Variants in TOLLIP observed in about 807,000 individuals in gnomAD.
TOLLIP encodes the protein toll interacting protein.
A neutral mutation model predicts 33.5 loss-of-function variants in TOLLIP; 16 were observed. The observed-to-expected ratio is 0.48, with a 90% CI of 0.32 to 0.72. The LOEUF (loss-of-function observed/expected upper bound fraction) is 0.72, where lower values mean the gene tolerates loss of function less well. Among genes scored for constraint, TOLLIP ranks in the 30% least tolerant of loss-of-function variants. The probability of loss-of-function intolerance (pLI) is 0.03; values close to 1 mark genes in which losing one functional copy is unlikely to be tolerated. For synonymous variants in TOLLIP, 176 were observed against 163.7 expected, an observed-to-expected ratio of 1.07 and a Z score of -0.57; for missense variants, 325 against 396.6, an observed-to-expected ratio of 0.82 and a Z score of 1.53.
chr11:1,283,130 CCCTGCACTGGGTAAA>C (rs1863559526), intron 5 of TOLLIP, among the ~76,000 whole-genome samples: 1 of 152,202 alleles, frequency 6.6e-6, no homozygotes, highest in South Asian at 2.1e-4. Context: ...ACACCACTAG[CCCTGCACTGGGTAAA>C]CCTGCGCTGG....
At chr11:1,285,268 A>G (rs960412816) in intron 5 of TOLLIP, among the ~76,000 whole-genome samples, 7 of 152,168 alleles carry the variant, frequency 4.6e-5, no homozygotes, top group Non-Finnish European at 1.0e-4. Flanking sequence ...CCTGGACACC[A>G]GCTCCCCAGA....
At chr11:1,307,268 G>A (rs1864444933) in intron 1 of TOLLIP, among the ~76,000 whole-genome samples, 1 of 152,206 alleles carries the variant, frequency 6.6e-6, no homozygotes, top group Non-Finnish European at 1.5e-5. Flanking sequence ...GTCAACGGGG[G>A]TGCCCCTGAA....
chr11:1,277,320 T>C lies in TOLLIP; in HGVS notation c.611-67A>G. 1 of 1,328,866 alleles carries C rather than the reference T, an allele frequency of 7.5e-7. No homozygotes were observed. The highest frequency in any genetic ancestry group is 1.0e-6 in the Non-Finnish European group (1 of 984,752). The allele number at this position is 1,328,866 out of a possible 1,614,324, so 82.3% of individuals were successfully genotyped here. A position where few individuals can be genotyped will look rare whatever the true frequency, so the allele number is the denominator to read the frequency against. ...CCAGAAGTGCCACACTAGCTCCTGC[T>C]GAAGGAAGAAAACAACGCATCCCAC... On this transcript the variant is annotated intron_variant, in intron 5 of 5. Coordinates refer to ENST00000317204, the MANE Select transcript of TOLLIP (RefSeq NM_019009.4). This position sits in a 1 kb window ranked among gnomAD's most constrained non-coding sequence, Gnocchi z 4.2.
At chr11:1,295,913 G>T in intron 1 of TOLLIP, 119 bp from the exon 2 acceptor site, 1 of 1,292,636 alleles carries the variant, frequency 7.7e-7, no homozygotes, top group Non-Finnish European at 1.0e-6. Context: ...ATCAAGTCCT[G>T]GACTGTGCTC....
At chr11:1,298,744 G>A (rs999893942) in intron 1 of TOLLIP, among the ~76,000 whole-genome samples, 4 of 152,338 alleles carry the variant, frequency 2.6e-5, no homozygotes, top group South Asian at 4.1e-4. Flanking sequence ...CACGCAGCCC[G>A]GGGACCGCAG....
intron 3 of TOLLIP, among the ~76,000 whole-genome samples, chr11:1,289,509 C>T (rs898363175): frequency 9.9e-5 from 15 of 152,250 alleles, no homozygotes; most frequent in Admixed American, 9.2e-4. Context: ...TCAAGGGTCA[C>T]GACCATTCGC....
Position 1,292,434 on chromosome 11 carries a change from C to T in TOLLIP, c.184-2025G>A, listed in dbSNP as rs5743947. On this transcript the variant is annotated intron_variant, in intron 2 of 5. Coordinates refer to ENST00000317204, the MANE Select transcript of TOLLIP (RefSeq NM_019009.4). Reference sequence around the variant, plus strand: ...CTGCCAGCATGCCCGTGCCTGTCACCGATGCCTGCTCACATTGGATCCTGC... The same window carrying T: ...CTGCCAGCATGCCCGTGCCTGTCACTGATGCCTGCTCACATTGGATCCTGC... Among the ~76,000 whole-genome samples the T allele has an allele frequency of 0.023, 3,561 of 152,294 alleles. 337 individuals carry two copies. The East Asian group carries it at 0.29, about 12-fold the overall frequency.
At chr11:1,297,154 C>T (rs540559420) in intron 1 of TOLLIP, among the ~76,000 whole-genome samples, 48 of 152,218 alleles carry the variant, frequency 3.2e-4, no homozygotes, top group Non-Finnish European at 1.2e-4. Context: ...CGGACGTGAG[C>T]TTAGGCAAAG....
At chr11:1,285,036 C>T (rs1863641632) in intron 5 of TOLLIP, among the ~76,000 whole-genome samples, 1 of 152,206 alleles carries the variant, frequency 6.6e-6, no homozygotes, top group East Asian at 1.9e-4. Flanking sequence ...GACACCAGCA[C>T]TGGCCTCACA....
chr11:1,300,098 T>C (rs577321334), intron 1 of TOLLIP, among the ~76,000 whole-genome samples: 1 of 152,364 alleles, frequency 6.6e-6, no homozygotes, highest in Admixed American at 6.5e-5. Context: ...AGAAACTTTT[T>C]AAAAACATTC....
intron 1 of TOLLIP, chr11:1,306,083 G>A (rs1864415503): frequency 6.6e-6 from 1 of 152,186 alleles, no homozygotes; most frequent in South Asian, 2.1e-4. Flanking sequence ...CATGCTTTCT[G>A]ATAATATGCA....
At chr11:1,306,156 C>T (rs1864417332) in intron 1 of TOLLIP, 3 of 152,184 alleles carry the variant, frequency 2.0e-5, no homozygotes, top group African/African-American at 7.2e-5. Flanking sequence ...GAGGGAAGCA[C>T]TGCACAGGGC....
At position 1,290,010 on chromosome 11, in the gene TOLLIP, G is replaced by T. The variant is rs1863882259; in HGVS notation, c.366+217C>A. The T allele has an allele frequency of 1.8e-6, 1 of 569,342 alleles. No individual in the cohort carries two copies. Among genetic ancestry groups the T allele is most frequent in the Non-Finnish European group, 3.1e-6 (1 of 318,896 alleles). 35.3% of individuals were successfully genotyped at this position (569,342 alleles called of 1,614,324 possible). ...TCCCTGGGTCATGCTTGTCACTGGG[G>T]ATGTTTCCAAATGTAAGTATGTTCA... On this transcript the variant is annotated intron_variant, in intron 3 of 5. Coordinates refer to ENST00000317204, the MANE Select transcript of TOLLIP (RefSeq NM_019009.4). This position sits in a 1 kb window ranked among gnomAD's most constrained non-coding sequence, Gnocchi z 4.9.
chr11:1,281,473 A>T (rs1297243033), intron 5 of TOLLIP, among the ~76,000 whole-genome samples: 1 of 152,196 alleles, frequency 6.6e-6, no homozygotes, highest in Non-Finnish European at 1.5e-5. Flanking sequence ...GGGCTCAGAC[A>T]CCACGGGAGG....
In TOLLIP at chr11:1,277,783, G is replaced by A. The variant is rs955821847; in HGVS notation, c.611-530C>T. On this transcript the variant is annotated intron_variant, in intron 5 of 5. Transcript: ENST00000317204. This position sits in a 1 kb window ranked among gnomAD's most constrained non-coding sequence, Gnocchi z 4.2. The stretch of plus-strand genomic sequence containing the variant: ...TGGCAAGTGTGTCACTAAACTGTGT[G>A]CCGGTGGGGAACAATCACCACAGGC... Among the ~76,000 whole-genome samples the A allele has an allele frequency of 2.0e-5, 3 of 152,208 alleles. No homozygotes were observed. Among genetic ancestry groups the A allele is most frequent in the African/African-American group, 7.2e-5 (3 of 41,444 alleles).
At chr11:1,284,776 T>C (rs992004147) in intron 5 of TOLLIP, among the ~76,000 whole-genome samples, 5 of 152,176 alleles carry the variant, frequency 3.3e-5, no homozygotes, top group African/African-American at 9.7e-5. Flanking sequence ...ACAGAGTCTA[T>C]AATGTGAGCA....
rs560639925 is a variant in TOLLIP, at chr11:1,275,560, T to C, written c.*1479A>G. On this transcript the variant is annotated 3_prime_UTR_variant, in exon 6 of 6. Transcript: ENST00000317204. ...TACCATGTCTTTCTTCTTCAAAGGA[T>C]CAAAGGCCTTTAGGACCCACAGCTG... The C allele has an allele frequency of 6.6e-6, 1 of 152,054 alleles. No individual in the cohort carries two copies. The highest frequency in any genetic ancestry group is 1.5e-5 in the Non-Finnish European group (1 of 68,004). 9.4% of individuals were successfully genotyped at this position (152,054 alleles called of 1,614,324 possible).
In TOLLIP at chr11:1,303,540, T is replaced by C. The variant is rs1450127375; in HGVS notation, c.33+5926A>G. Among the ~76,000 whole-genome samples, 2 of 152,212 alleles carry C rather than the reference T, an allele frequency of 1.3e-5. No homozygotes were observed. Among genetic ancestry groups the C allele is most frequent in the African/African-American group, 2.4e-5 (1 of 41,452 alleles). ...GCTGTATGCTAACGGCAGGAGGCGC[T>C]GTGCAAAGAAACAGGGCAAGGCCGG... On this transcript the variant is annotated intron_variant, in intron 1 of 5. Coordinates refer to ENST00000317204, the MANE Select transcript of TOLLIP (RefSeq NM_019009.4). This position sits in a 1 kb window ranked among gnomAD's most constrained non-coding sequence, Gnocchi z 4.2.
chr11:1,297,764 T>A (rs534737348), intron 1 of TOLLIP, among the ~76,000 whole-genome samples: 2 of 151,874 alleles, frequency 1.3e-5, no homozygotes, highest in Non-Finnish European at 2.9e-5. Context: ...CTGAGCGGAG[T>A]GGGCCCATGC....
Sources: gnomAD v4.1 joint callset for allele counts (sites outside exome capture counted in the v4.1 genomes callset) on GRCh38, gnomAD v4.1.1 for gene constraint, Gnocchi (gnomAD v3.1) non-coding constraint, MANE v1.5 for transcripts, NCBI Gene and HGNC (gene_info 2026-07-23, HGNC 2026-07-21) for gene names.